Variants in ZMAT4 observed in about 807,000 individuals in gnomAD.
ZMAT4 encodes the protein zinc finger matrin-type 4, also known as zinc finger matrin-type protein 4.
ZMAT4 carries 17 observed loss-of-function variants against 28.7 expected under a neutral mutation model. The ratio of observed to expected loss-of-function variants is 0.59; its 90% CI spans 0.41 to 0.89. The LOEUF is 0.89. Among genes scored for constraint, ZMAT4 ranks in the 40% least tolerant of loss-of-function variants. The pLI is 0.00. For synonymous variants in ZMAT4, 117 were observed against 109.2 expected (o/e 1.07, Z -0.44); for missense variants, 240 against 283.8 (o/e 0.85, Z 1.11).
intron 2 of ZMAT4, among the ~76,000 whole-genome samples, chr8:40,799,120 G>C (rs1272390040): frequency 1.3e-5 from 2 of 148,780 alleles, no homozygotes; most frequent in African/African-American, 2.5e-5. Context: ...GAGAGAGAGA[G>C]AGACAGAGAG....
intron 6 of ZMAT4, among the ~76,000 whole-genome samples, chr8:40,554,314 T>C (rs1340752363): frequency 6.6e-6 from 1 of 152,116 alleles, no homozygotes; most frequent in Non-Finnish European, 1.5e-5. Flanking sequence ...AAACCAACCA[T>C]TGTTTTTTTA....
At chr8:40,799,424 C>A (rs1348444295) in intron 2 of ZMAT4, among the ~76,000 whole-genome samples, 1 of 152,114 alleles carries the variant, frequency 6.6e-6, no homozygotes, top group Non-Finnish European at 1.5e-5. Context: ...CAGACAAAAG[C>A]AAAGACAGAA....
chr8:40,585,364 G>T (rs1804633182), intron 5 of ZMAT4, among the ~76,000 whole-genome samples: 1 of 152,096 alleles, frequency 6.6e-6, no homozygotes, highest in African/African-American at 2.4e-5. Context: ...AAACGTCAGA[G>T]TGTGGATGCA....
At chr8:40,628,129 C>T (rs943382451) in intron 5 of ZMAT4, among the ~76,000 whole-genome samples, 2 of 152,102 alleles carry the variant, frequency 1.3e-5, no homozygotes, top group African/African-American at 2.4e-5. Flanking sequence ...CTCAACATCT[C>T]GATCATAGCA....
chr8:40,563,061 A>G (rs1352701473), intron 6 of ZMAT4, among the ~76,000 whole-genome samples: 1 of 152,120 alleles, frequency 6.6e-6, no homozygotes, highest in Non-Finnish European at 1.5e-5. Flanking sequence ...AGCATCCTGA[A>G]TCTGAATCTT....
intron 2 of ZMAT4, among the ~76,000 whole-genome samples, chr8:40,768,466 C>T (rs1417976730): frequency 2.0e-5 from 3 of 152,106 alleles, no homozygotes; most frequent in East Asian, 1.9e-4. Flanking sequence ...AGTTTCATCC[C>T]GGATTCCCAT....
intron 6 of ZMAT4, among the ~76,000 whole-genome samples, chr8:40,569,070 G>C (rs1248251462): frequency 1.3e-5 from 2 of 152,138 alleles, no homozygotes; most frequent in Non-Finnish European, 2.9e-5. Flanking sequence ...TTTTGATTAT[G>C]GGATTAAATT....
chr8:40,679,739 T>A (rs1809072026), intron 4 of ZMAT4, among the ~76,000 whole-genome samples: 1 of 152,188 alleles, frequency 6.6e-6, no homozygotes, highest in South Asian at 2.1e-4. Flanking sequence ...TCAGTCTCTA[T>A]CAGAAAATTT....
chr8:40,620,169 G>C (rs957685450), intron 5 of ZMAT4, among the ~76,000 whole-genome samples: 7 of 152,318 alleles, frequency 4.6e-5, no homozygotes, highest in African/African-American at 1.7e-4. Context: ...GCAGGTTATT[G>C]CTATAGGGTA....
intron 1 of ZMAT4, among the ~76,000 whole-genome samples, chr8:40,862,885 G>A (rs201180266): frequency 0.022 from 3,314 of 151,634 alleles, 92 homozygotes; most frequent in Admixed American, 0.085. Flanking sequence ...TGAGTTAATG[G>A]GTGCAGCACA....
rs543967259 is a variant in ZMAT4 at position 40,858,664 on chromosome 8, G to T, written c.-4-32984C>A. Among the ~76,000 whole-genome samples, 107 of 152,214 alleles carry T rather than the reference G, an allele frequency of 7.0e-4. 3 individuals are homozygous for T. Among genetic ancestry groups the T allele is most frequent in the South Asian group, 6.2e-4 (3 of 4,810 alleles). ...AGTCACAGAGCTAGGGTGAAAAAAG[G>T]TTCCCATACCCCTCGGTTCACAGGG... On this transcript the variant is annotated intron_variant, in intron 1 of 6. Coordinates refer to ENST00000297737, the MANE Select transcript of ZMAT4 (RefSeq NM_024645.3).
At chr8:40,849,663 T>C (rs1044906670) in intron 1 of ZMAT4, among the ~76,000 whole-genome samples, 1 of 152,158 alleles carries the variant, frequency 6.6e-6, no homozygotes, top group Non-Finnish European at 1.5e-5. Context: ...CTCTGTTCTC[T>C]CCATGTCCAC....
intron 6 of ZMAT4, among the ~76,000 whole-genome samples, chr8:40,551,543 A>G (rs987010174): frequency 6.6e-6 from 1 of 152,188 alleles, no homozygotes; most frequent in African/African-American, 2.4e-5. Flanking sequence ...TGATCAAGAA[A>G]GGTAGATGAT....
At chr8:40,615,990 G>A (rs189841817) in intron 5 of ZMAT4, among the ~76,000 whole-genome samples, 6,258 of 152,204 alleles carry the variant, frequency 0.041, 413 homozygotes, top group African/African-American at 0.14. Flanking sequence ...CTACTCATCT[G>A]AAAAAGGGCT....
chr8:40,767,922 A>G (rs1009110349), intron 2 of ZMAT4, among the ~76,000 whole-genome samples, 192 bp from the exon 3 acceptor site: 5 of 152,246 alleles, frequency 3.3e-5, no homozygotes, highest in Non-Finnish European at 7.3e-5. Context: ...AAGCCAATGT[A>G]ATTTCAGGAT....
chr8:40,772,743 A>T lies in ZMAT4; in HGVS notation c.103-5013T>A, dbSNP rs76900664. Among the ~76,000 whole-genome samples the T allele has an allele frequency of 4.7e-3, 722 of 152,336 alleles. 3 individuals carry two copies. The highest frequency in any genetic ancestry group is 0.017 in the African/African-American group (688 of 41,592). On this transcript the variant is annotated intron_variant, in intron 2 of 6. Transcript: ENST00000297737. ...CTTATTTCATCAGAAGGATCTAATT[A>T]TACCTCTTCTAGAAACCAGCTAAAA...
intron 5 of ZMAT4, among the ~76,000 whole-genome samples, chr8:40,616,557 TA>T (rs1447864736): frequency 6.6e-6 from 1 of 152,018 alleles, no homozygotes; most frequent in Admixed American, 6.5e-5. Flanking sequence ...TATGCAGCCA[TA>T]AAAAAGGATG....
Position 40,856,840 on chromosome 8 carries a change from G to A in ZMAT4, c.-4-31160C>T, listed in dbSNP as rs143422416. ...TGGTCAGTAGGTGGTTTCCAGCATA[G>A]ACTCCAAAGAGCACAGGAGCCCCGT... On this transcript the variant is annotated intron_variant, in intron 1 of 6. Transcript: ENST00000297737. 2.2e-3 allele frequency among the ~76,000 whole-genome samples: 341 copies of A among 152,240 alleles called. 2 individuals carry two copies. The highest frequency in any genetic ancestry group is 0.011 in the South Asian group (53 of 4,810).
chr8:40,696,455 C>T (rs1458313498), intron 4 of ZMAT4, among the ~76,000 whole-genome samples: 1 of 152,086 alleles, frequency 6.6e-6, no homozygotes, highest in Admixed American at 6.5e-5. Context: ...TGAAATACGC[C>T]CCCAACTTCT....
Sources: allele counts gnomAD v4.1 joint callset (sites outside exome capture counted in the v4.1 genomes callset), GRCh38; gene constraint gnomAD v4.1.1; transcripts MANE v1.5; gene names NCBI Gene and HGNC (gene_info 2026-07-23, HGNC 2026-07-21).